The following CHEK2 variants were observed in gnomAD, a reference collection of about 807,000 sequenced individuals.
CHEK2 encodes serine/threonine-protein kinase Chk2.
In CHEK2, 71 loss-of-function variants were observed where a neutral mutation model predicts 69.1. The ratio of observed to expected loss-of-function variants is 1.03; its 90% confidence interval spans 0.85 to 1.25. The LOEUF is 1.25. Among genes scored for constraint, CHEK2 ranks in the 50% most tolerant of loss-of-function variants. CHEK2 has a pLI of 0.00. For synonymous variants in CHEK2, 189 were observed against 226.9 expected (o/e 0.83, Z 1.50); for missense variants, 664 against 649.6 (o/e 1.02, Z -0.24).
intron 1 of CHEK2, among the ~76,000 whole-genome samples, chr22:28,737,601 T>G (rs2054450359): frequency 6.6e-6 from 1 of 151,790 alleles, no homozygotes; most frequent in Non-Finnish European, 1.5e-5. Flanking sequence ...TTCCAAGTAG[T>G]TGGGATTACA....
In CHEK2 at chr22:28,710,010, T is replaced by G. The variant is rs587782196; in HGVS notation, c.842A>C (p.Asn281Thr). 1 of 1,511,384 alleles carries G rather than the reference T, an allele frequency of 6.6e-7. No individual in the cohort carries two copies. 93.6% of individuals were successfully genotyped at this position (1,511,384 alleles called of 1,614,324 possible). Residue 281 changes from asparagine to threonine, a missense_variant, in exon 7 of 15, where the codon AAT (asparagine) becomes ACT (threonine). Coordinates refer to ENST00000404276, the MANE Select transcript of CHEK2 (RefSeq NM_007194.4). ...ETEIEILKKL[N>T]HPCIIKIKNF... ...GAGTCATATAATAATACTTACATGATTTAGCTTTTTCAAAATTTCTATTTC... is the reference window on the plus strand; with the variant it reads ...GAGTCATATAATAATACTTACATGAGTTAGCTTTTTCAAAATTTCTATTTC...
chr22:28,700,640 T>C (rs1387211857), intron 8 of CHEK2, among the ~76,000 whole-genome samples: 1 of 152,176 alleles, frequency 6.6e-6, no homozygotes, highest in African/African-American at 2.4e-5. Context: ...GCTTTTGGAC[T>C]TTGGGAAAGC....
intron 1 of CHEK2, among the ~76,000 whole-genome samples, chr22:28,736,009 T>C (rs2054391646): frequency 6.6e-6 from 1 of 152,128 alleles, no homozygotes; most frequent in African/African-American, 2.4e-5. Context: ...AGGGCAGGTG[T>C]TTGAGACCCC....
chr22:28,719,283 C>A, intron 5 of CHEK2, 112 bp downstream of exon 5: 1 of 556,712 alleles, frequency 1.8e-6, no homozygotes, highest in South Asian at 2.7e-5. Context: ...AAATAGATAC[C>A]ATACAAATGT....
intron 10 of CHEK2, 32 bp downstream of exon 10, chr22:28,696,869 G>T: frequency 1.5e-6 from 2 of 1,370,894 alleles, no homozygotes; most frequent in Non-Finnish European, 2.1e-6. Flanking sequence ...GAATCTACAG[G>T]AATAGCCACA....
In CHEK2 at chr22:28,703,536, CAA is replaced by C. The variant is rs772683219; in HGVS notation, c.875_876del (p.Phe292Ter). 1 of 1,555,872 alleles carries C rather than the reference CAA, an allele frequency of 6.4e-7. No individual in the cohort carries two copies. The highest frequency in any genetic ancestry group is 8.8e-7 in the Non-Finnish European group (1 of 1,134,008). On this transcript the variant is annotated frameshift_variant, in exon 8 of 15. Coordinates refer to ENST00000404276, the MANE Select transcript of CHEK2 (RefSeq NM_007194.4). LOFTEE classifies it high-confidence loss of function. The part of the protein sequence containing the change: ...HPCIIKIKNF[F>X]DAEDYYIVLE... ...AAAACAATATAATAATCTTCTGCAT[CAA>C]AAAAGTTTTTAATCTTGATGATGCA...
intron 7 of CHEK2, chr22:28,709,107 A>T (rs1052212801): frequency 4.9e-6 from 1 of 205,016 alleles, no homozygotes; most frequent in African/African-American, 2.4e-5. Flanking sequence ...AACGGGAAAA[A>T]AACAAAAAAA....
intron 2 of CHEK2, among the ~76,000 whole-genome samples, chr22:28,727,017 C>G (rs1057049040): frequency 7.2e-5 from 11 of 151,912 alleles, no homozygotes; most frequent in Non-Finnish European, 1.3e-4. Flanking sequence ...CACTATCTGC[C>G]TTTAGGACTC....
intron 5 of CHEK2, among the ~76,000 whole-genome samples, chr22:28,718,527 C>A (rs1001157190): frequency 1.3e-5 from 2 of 152,054 alleles, no homozygotes; most frequent in Non-Finnish European, 2.9e-5. Flanking sequence ...GGGAAGCAAC[C>A]AAAGTGTCCA....
intron 4 of CHEK2, among the ~76,000 whole-genome samples, chr22:28,723,719 A>C (rs990141825): frequency 2.6e-5 from 4 of 152,024 alleles, no homozygotes; most frequent in African/African-American, 7.2e-5. Flanking sequence ...CAAGGCAGGC[A>C]GACTGACTGC....
At chr22:28,707,093 TAGTC>T (rs545680683) in intron 7 of CHEK2, among the ~76,000 whole-genome samples, 268 of 152,272 alleles carry the variant, frequency 1.8e-3, no homozygotes, top group African/African-American at 5.6e-3. Context: ...AGGTGTCCGA[TAGTC>T]AGAACCAGTG....
At chr22:28,719,593 C>G (rs2053701851) in intron 4 of CHEK2, 108 bp from the exon 5 acceptor site, 2 of 682,014 alleles carry the variant, frequency 2.9e-6, no homozygotes, top group African/African-American at 3.6e-5. Context: ...TTTTTAACTA[C>G]ATTTAACATG....
chr22:28,729,189 C>A (rs1169808708), intron 2 of CHEK2: 2 of 185,912 alleles, frequency 1.1e-5, no homozygotes, highest in African/African-American at 2.4e-5. Flanking sequence ...AAATCCTCAA[C>A]AAAACAGTAG....
intron 2 of CHEK2, among the ~76,000 whole-genome samples, chr22:28,725,901 C>G (rs1260234448): frequency 3.3e-5 from 3 of 89,898 alleles, no homozygotes; most frequent in Non-Finnish European, 7.3e-5. Context: ...AGAGTGAGAC[C>G]CAGTTTCAAA....
rs1481556125 is a variant in CHEK2 at position 28,722,314 on chromosome 22, A to G, written c.592+2663T>C. Among the ~76,000 whole-genome samples, 17 of 151,556 alleles carry G rather than the reference A, an allele frequency of 1.1e-4. No homozygotes were observed. In the South Asian group the frequency reaches 3.1e-3, roughly 28 times the overall value. On this transcript the variant is annotated intron_variant, in intron 4 of 14. Transcript: ENST00000404276. ...CCAGCACTTTGGAAGGCCGAGGCGG[A>G]AGGATCACGAGGTCAGGAGATGGAG...
chr22:28,731,279 G>T (rs2054206652), intron 2 of CHEK2, among the ~76,000 whole-genome samples: 2 of 152,024 alleles, frequency 1.3e-5, no homozygotes, highest in Admixed American at 6.6e-5. Context: ...GAAAACATAG[G>T]TATAAATAAT....
chr22:28,724,678 T>C lies in CHEK2; in HGVS notation c.592+299A>G, dbSNP rs563027431. ...GCCTCCCGGGTTCAAGCGATTCTCC[T>C]GCCTCAGCCTCCCGAATAGCTGGGA... On this transcript the variant is annotated intron_variant, in intron 4 of 14. Transcript: ENST00000404276. 1.1e-4 allele frequency: 42 copies of C among 389,490 alleles called. No homozygotes were observed. In the East Asian group the frequency reaches 1.8e-3, roughly 16 times the overall value. 24.1% of individuals were successfully genotyped at this position (389,490 alleles called of 1,614,324 possible).
At chr22:28,736,931 G>C (rs2054427846) in intron 1 of CHEK2, among the ~76,000 whole-genome samples, 1 of 152,116 alleles carries the variant, frequency 6.6e-6, no homozygotes, top group African/African-American at 2.4e-5. Context: ...GTGGCAGAGT[G>C]AGACCCTATC....
chr22:28,703,408 C>A (rs576337880), intron 8 of CHEK2, 97 bp downstream of exon 8: 30 of 733,016 alleles, frequency 4.1e-5, no homozygotes, highest in Non-Finnish European at 5.8e-5. Flanking sequence ...ACGTTGAGGC[C>A]CCCCAGGATG....
Sources: allele counts gnomAD v4.1 joint callset (sites outside exome capture counted in the v4.1 genomes callset), GRCh38; gene constraint gnomAD v4.1.1; transcripts MANE v1.5; gene names NCBI Gene and HGNC (gene_info 2026-07-23, HGNC 2026-07-21).